SLCO3A1: variants seen among roughly 807,000 people sequenced by gnomAD.
SLCO3A1 encodes the protein solute carrier organic anion transporter family member 3A1.
A neutral mutation model predicts 63.1 loss-of-function variants in SLCO3A1; 27 were observed. The ratio of observed to expected loss-of-function variants is 0.43; its 90% CI spans 0.32 to 0.59. The LOEUF (loss-of-function observed/expected upper bound fraction) is 0.59. Ranked by LOEUF, SLCO3A1 falls within the 20% of genes least tolerant of loss-of-function variation. The pLI is 0.09. For missense variants in SLCO3A1, 773 were observed against 945.8 expected (o/e 0.82, Z 2.40); for synonymous variants, 473 against 409.9 (o/e 1.15, Z -1.86).
chr15:92,106,401 T>C (rs1295874775), intron 4 of SLCO3A1, among the ~76,000 whole-genome samples: 1 of 152,120 alleles, frequency 6.6e-6, no homozygotes, highest in Non-Finnish European at 1.5e-5. Context: ...GGAGGGTGCC[T>C]GCGACTCCCC....
chr15:91,962,566 A>G (rs1180653051), intron 2 of SLCO3A1, among the ~76,000 whole-genome samples: 2 of 151,876 alleles, frequency 1.3e-5, no homozygotes, highest in African/African-American at 2.4e-5. Flanking sequence ...CCAAACAGCA[A>G]TGGGAGAGAC....
chr15:92,157,954 A>G (rs896531413), intron 9 of SLCO3A1, among the ~76,000 whole-genome samples: 1 of 152,148 alleles, frequency 6.6e-6, no homozygotes, highest in African/African-American at 2.4e-5. Flanking sequence ...AGAATCCAAG[A>G]TCAGCTGTCT....
intron 2 of SLCO3A1, among the ~76,000 whole-genome samples, chr15:92,058,621 AC>A (rs1448575052): frequency 6.6e-6 from 1 of 152,138 alleles, no homozygotes; most frequent in Non-Finnish European, 1.5e-5. Flanking sequence ...AATATTCCAA[AC>A]CCACATCACC....
chr15:92,113,912 A>T (rs1369982376), intron 4 of SLCO3A1, among the ~76,000 whole-genome samples: 1 of 152,108 alleles, frequency 6.6e-6, no homozygotes, highest in Non-Finnish European at 1.5e-5. Flanking sequence ...AGTTTCTTGA[A>T]CCGCCCTGTT....
intron 2 of SLCO3A1, among the ~76,000 whole-genome samples, chr15:91,989,881 A>C (rs762675223): frequency 6.6e-6 from 1 of 152,238 alleles, no homozygotes; most frequent in Non-Finnish European, 1.5e-5. Flanking sequence ...TAACATAATC[A>C]CTTGGGGAAA....
At chr15:91,972,639 C>T (rs1188845254) in intron 2 of SLCO3A1, among the ~76,000 whole-genome samples, 1 of 152,164 alleles carries the variant, frequency 6.6e-6, no homozygotes, top group African/African-American at 2.4e-5. Flanking sequence ...GGGAAACGTG[C>T]TGACCGATCG....
intron 7 of SLCO3A1, among the ~76,000 whole-genome samples, chr15:92,136,645 A>G (rs1402441978): frequency 1.3e-5 from 2 of 152,206 alleles, no homozygotes; most frequent in Non-Finnish European, 2.9e-5. Context: ...TTATTTTATA[A>G]CATTTTCCAT....
At chr15:92,147,207 C>T (rs2048238416) in intron 8 of SLCO3A1, 48 bp downstream of exon 8, 2 of 1,553,240 alleles carry the variant, frequency 1.3e-6, no homozygotes, top group South Asian at 1.2e-5. Flanking sequence ...ACCTGGTGTT[C>T]ATCTGCAGGC....
Position 92,054,530 on chromosome 15 carries a change from G to A in SLCO3A1, c.647-40351G>A, listed in dbSNP as rs140501423. ...ATATAGGGAAACATGTGCCATGGTG[G>A]TTTGCTGCACCTGTCAACCCATCCC... On this transcript the variant is annotated intron_variant, in intron 2 of 9. Transcript: ENST00000318445. Among the ~76,000 whole-genome samples, 1,203 of 152,196 alleles carry A rather than the reference G, an allele frequency of 7.9e-3. 10 individuals carry two copies. Among genetic ancestry groups the A allele is most frequent in the Non-Finnish European group, 0.013 (895 of 67,996 alleles).
intron 2 of SLCO3A1, among the ~76,000 whole-genome samples, chr15:91,973,379 G>T (rs546670904): frequency 4.7e-4 from 72 of 152,308 alleles, no homozygotes; most frequent in African/African-American, 1.7e-3. Context: ...ATTGTCAGAG[G>T]ACACACAGCT....
intron 10 of SLCO3A1, chr15:92,171,565 A>T (rs2048521617): frequency 3.8e-6 from 2 of 520,772 alleles, no homozygotes; most frequent in Non-Finnish European, 6.9e-6. Context: ...CCTTCCCAGA[A>T]AGGATATTTG....
At chr15:92,010,410 C>T (rs182291111) in intron 2 of SLCO3A1, among the ~76,000 whole-genome samples, 15 of 152,276 alleles carry the variant, frequency 9.9e-5, no homozygotes, top group South Asian at 2.1e-4. Flanking sequence ...TTCAGTCCAG[C>T]GTTTCTCAGT....
At chr15:91,880,143 A>ATCCG (rs1897525505) in intron 1 of SLCO3A1, among the ~76,000 whole-genome samples, 1 of 123,200 alleles carries the variant, frequency 8.1e-6, no homozygotes, top group Non-Finnish European at 1.8e-5. Flanking sequence ...CCATCCATCC[A>ATCCG]TCCATCCATC....
chr15:91,881,749 T>TGC (rs1487063822), intron 1 of SLCO3A1, among the ~76,000 whole-genome samples: 1 of 152,110 alleles, frequency 6.6e-6, no homozygotes, highest in Non-Finnish European at 1.5e-5. Context: ...ATAAGCAACA[T>TGC]GCCGAGTCTA....
chr15:91,903,310 C>T (rs1468571959), intron 1 of SLCO3A1, among the ~76,000 whole-genome samples: 2 of 152,130 alleles, frequency 1.3e-5, no homozygotes, highest in Non-Finnish European at 2.9e-5. Flanking sequence ...TAGGAACTGC[C>T]CAAATTGCCT....
intron 1 of SLCO3A1, among the ~76,000 whole-genome samples, chr15:91,890,755 C>T (rs1897849297): frequency 6.6e-6 from 1 of 152,164 alleles, no homozygotes; most frequent in African/African-American, 2.4e-5. Flanking sequence ...CTGGTCTGGG[C>T]AGCCTCCCTC....
intron 2 of SLCO3A1, among the ~76,000 whole-genome samples, chr15:92,013,015 A>G (rs1421084457): frequency 3.3e-5 from 5 of 152,230 alleles, no homozygotes. Context: ...CCTCCAGGGA[A>G]AATAGCCAGT....
chr15:92,163,365 G>A lies in SLCO3A1; in HGVS notation c.*230G>A, dbSNP rs191385416. 1.2e-3 allele frequency: 1,381 copies of A among 1,155,652 alleles called. 15 individuals carry two copies. The African/African-American group carries it at 0.02, about 17-fold the overall frequency. The allele number at this position is 1,155,652 out of a possible 1,614,324, so 71.6% of individuals were successfully genotyped here. ...TGCGGCAGGGTCCTGGAGGCCACTT[G>A]CGCGGCTGGGCCACAGAGTCTACTT... is the stretch of plus-strand genomic sequence containing the variant. On this transcript the variant is annotated 3_prime_UTR_variant, in exon 10 of 10. Transcript: ENST00000318445.
chr15:91,920,665 A>G (rs1388594958), intron 2 of SLCO3A1, among the ~76,000 whole-genome samples: 3 of 152,044 alleles, frequency 2.0e-5, no homozygotes, highest in African/African-American at 7.2e-5. Flanking sequence ...TTCACATGCC[A>G]TTCATTCTGT....
Sources: gnomAD v4.1 joint callset for allele counts (sites outside exome capture counted in the v4.1 genomes callset) on GRCh38, gnomAD v4.1.1 for gene constraint, MANE v1.5 for transcripts, NCBI Gene and HGNC (gene_info 2026-07-23, HGNC 2026-07-21) for gene names.